SORBS2: variants seen among roughly 807,000 people sequenced by gnomAD.
The protein encoded by SORBS2 is sorbin and SH3 domain containing 2.
SORBS2 carries 46 observed loss-of-function variants against 97.7 expected under a neutral mutation model. The ratio of observed to expected loss-of-function variants is 0.47; its 90% confidence interval spans 0.37 to 0.60. The LOEUF (loss-of-function observed/expected upper bound fraction) is 0.60, where lower values mean the gene tolerates loss of function less well. SORBS2 is among the 20% of genes least tolerant of loss of function. The pLI, the probability that SORBS2 is intolerant of heterozygous loss-of-function variation, is 0.00. For synonymous variants in SORBS2, 476 were observed against 473.4 expected (o/e 1.01, Z -0.07); for missense variants, 1,316 against 1,282.3 (o/e 1.03, Z -0.40).
chr4:185,657,669 T>C, upstream of SORBS2: 1 of 1,352,140 alleles, frequency 7.4e-7, no homozygotes, highest in Non-Finnish European at 1.0e-6. Flanking sequence ...TCTTGTTGTA[T>C]ATTTATGCCA....
At chr4:185,688,104 G>A (rs1163761027) in intron 2 of SORBS2, among the ~76,000 whole-genome samples, 2 of 152,090 alleles carry the variant, frequency 1.3e-5, no homozygotes, top group Non-Finnish European at 2.9e-5. Flanking sequence ...TTCTTCAATA[G>A]CTAAGATATG....
intron 1 of SORBS2, among the ~76,000 whole-genome samples, chr4:185,864,813 G>A (rs192067703): frequency 5.6e-4 from 85 of 151,866 alleles, no homozygotes; most frequent in African/African-American, 1.9e-3. Flanking sequence ...TTGGGAGGCC[G>A]AGGTAAGAGA....
At chr4:185,781,965 G>A (rs13109085) in intron 1 of SORBS2, among the ~76,000 whole-genome samples, 13,241 of 152,196 alleles carry the variant, frequency 0.087, 848 homozygotes, top group Non-Finnish European at 0.13. Context: ...GTAATTGATC[G>A]GAGCCCCTCT....
chr4:185,627,032 A>G lies in SORBS2; in HGVS notation c.447-13T>C, dbSNP rs1328080660. 6.2e-7 allele frequency: 1 copy of G among 1,613,330 alleles called. No homozygotes were observed. Among genetic ancestry groups the G allele is most frequent in the South Asian group, 1.1e-5 (1 of 91,052 alleles). On this transcript the variant is annotated splice_polypyrimidine_tract_variant and intron_variant, in intron 5 of 14. Coordinates refer to ENST00000418609, the Ensembl canonical transcript of SORBS2. ...CATGCTTGCAGAACTGAAAGAAGGAATCAGATCTGTTTGATTGGCACTGGA... is the reference window on the plus strand; with the variant it reads ...CATGCTTGCAGAACTGAAAGAAGGAGTCAGATCTGTTTGATTGGCACTGGA...
chr4:185,607,380 G>A lies in SORBS2; in HGVS notation c.2796+4400C>T. The A allele has an allele frequency of 8.5e-7, 1 of 1,177,722 alleles. No homozygotes were observed. The highest frequency in any genetic ancestry group is 5.9e-5 in the East Asian group (1 of 16,922). 73.0% of individuals were successfully genotyped at this position (1,177,722 alleles called of 1,614,324 possible). A position where few individuals can be genotyped will look rare whatever the true frequency, so the allele number is the denominator to read the frequency against. ...AAATGAGCACGGATTATGAAGTTAA[G>A]AAAAAATAAACTAAGAAAATAATAA... On this transcript the variant is annotated intron_variant, in intron 12 of 14. Coordinates refer to ENST00000418609, the Ensembl canonical transcript of SORBS2. This position sits in a 1 kb window ranked among gnomAD's most constrained non-coding sequence, Gnocchi z 5.2.
rs114774969 is a variant in SORBS2 at position 185,765,109 on chromosome 4, A to G, written c.-198+10118T>C. 9.5e-3 allele frequency among the ~76,000 whole-genome samples: 1,439 copies of G among 152,270 alleles called. 33 individuals carry two copies. Among genetic ancestry groups the G allele is most frequent in the African/African-American group, 0.033 (1,372 of 41,574 alleles). ...TAAAGTTTTAAACCACAAAACTCATATGATTCATATATGGTGGTGAAATGC... is the reference window on the plus strand; with the variant it reads ...TAAAGTTTTAAACCACAAAACTCATGTGATTCATATATGGTGGTGAAATGC... On this transcript the variant is annotated intron_variant, in intron 2 of 20. Transcript: ENST00000284776.
At chr4:185,735,190 A>C (rs146701777) in intron 2 of SORBS2, among the ~76,000 whole-genome samples, 15 of 152,094 alleles carry the variant, frequency 9.9e-5, no homozygotes, top group Non-Finnish European at 2.1e-4. Context: ...GCTGGTGGGA[A>C]CTTGCCAGGG....
chr4:185,813,035 A>G (rs1340417705), intron 1 of SORBS2: 10 of 152,230 alleles, frequency 6.6e-5, no homozygotes, highest in Admixed American at 5.9e-4. Context: ...GGAATCTACC[A>G]TGATTAATGC....
chr4:185,822,204 C>T (rs1295773605), intron 1 of SORBS2, among the ~76,000 whole-genome samples: 1 of 152,182 alleles, frequency 6.6e-6, no homozygotes, highest in Non-Finnish European at 1.5e-5. Flanking sequence ...AATGACATTA[C>T]TATTTAGGGT....
At chr4:185,688,327 T>G (rs754912859) in intron 2 of SORBS2, among the ~76,000 whole-genome samples, 4 of 152,140 alleles carry the variant, frequency 2.6e-5, no homozygotes, top group Non-Finnish European at 5.9e-5. Flanking sequence ...GAATATATAT[T>G]TTTAATGATT....
intron 1 of SORBS2, among the ~76,000 whole-genome samples, chr4:185,874,248 T>C (rs1220660524): frequency 6.6e-6 from 1 of 152,234 alleles, no homozygotes. Flanking sequence ...AAAATGTGGC[T>C]ACCTTATTTC....
At chr4:185,812,938 T>C (rs1430849056) in intron 1 of SORBS2, 1 of 152,224 alleles carries the variant, frequency 6.6e-6, no homozygotes, top group Non-Finnish European at 1.5e-5. Context: ...TCTTTGACTT[T>C]AAACATTACC....
chr4:185,753,030 A>G (rs939080148), intron 2 of SORBS2, among the ~76,000 whole-genome samples: 1 of 152,226 alleles, frequency 6.6e-6, no homozygotes, highest in African/African-American at 2.4e-5. Context: ...GACATTCCAC[A>G]AGGAGGAAAC....
chr4:185,675,171 C>A (rs1048073590), intron 4 of SORBS2: 3 of 152,166 alleles, frequency 2.0e-5, no homozygotes, highest in Non-Finnish European at 4.4e-5. Context: ...TAAAACCATG[C>A]AAAACGAAAG....
At chr4:185,861,644 T>C (rs548414233) in intron 1 of SORBS2, among the ~76,000 whole-genome samples, 2 of 115,242 alleles carry the variant, frequency 1.7e-5, no homozygotes, top group African/African-American at 3.6e-5. Context: ...TCTCACTCTG[T>C]TGCCAGGCTG....
At chr4:185,915,510 CA>C (rs1172159283) in intron 1 of SORBS2, among the ~76,000 whole-genome samples, 2 of 152,210 alleles carry the variant, frequency 1.3e-5, no homozygotes, top group Admixed American at 6.5e-5. Context: ...AGAGTACATA[CA>C]AACAGGTTTT....
chr4:185,726,631 T>C (rs1472649804), intron 2 of SORBS2, among the ~76,000 whole-genome samples: 3 of 150,792 alleles, frequency 2.0e-5, no homozygotes, highest in East Asian at 1.9e-4. Flanking sequence ...TAATATATTA[T>C]ATATATAATA....
At chr4:185,794,575 T>C (rs1032153048) in intron 1 of SORBS2, among the ~76,000 whole-genome samples, 2 of 152,190 alleles carry the variant, frequency 1.3e-5, no homozygotes, top group African/African-American at 4.8e-5. Context: ...AGATGGTGTT[T>C]CCTGGGTCCA....
At chr4:185,821,176 G>T (rs1284416671) in intron 1 of SORBS2, among the ~76,000 whole-genome samples, 1 of 152,204 alleles carries the variant, frequency 6.6e-6, no homozygotes, top group African/African-American at 2.4e-5. Context: ...TCACCAAGGG[G>T]CCACACGCGA....
Sources: gnomAD v4.1 joint callset for allele counts (sites outside exome capture counted in the v4.1 genomes callset) on GRCh38, gnomAD v4.1.1 for gene constraint, Gnocchi (gnomAD v3.1) non-coding constraint, MANE v1.5 for transcripts, NCBI Gene and HGNC (gene_info 2026-07-23, HGNC 2026-07-21) for gene names.